Variants in NOTCH1 observed in about 807,000 individuals in gnomAD.
NOTCH1 encodes neurogenic locus notch homolog protein 1.
In NOTCH1, 37 loss-of-function variants were observed where a neutral mutation model predicts 254.8. The observed-to-expected ratio is 0.15, with a 90% CI of 0.11 to 0.19. The LOEUF is 0.19. Ranked by LOEUF, NOTCH1 falls within the 10% of genes least tolerant of loss-of-function variation. The probability of loss-of-function intolerance (pLI) is 1.00; values close to 1 mark genes in which losing one functional copy is unlikely to be tolerated. For missense variants in NOTCH1, 2,972 were observed against 3,708.6 expected (o/e 0.80, Z 5.16); for synonymous variants, 1,731 against 1,618.1 (o/e 1.07, Z -1.68).
Position 136,545,645 on chromosome 9 carries a change from C to A in NOTCH1, c.61+81G>T, listed in dbSNP as rs1485080652. Reference sequence around the variant, plus strand: ...TGGCCTCCCCGCCGCCCGCTCCCAGCCGTGGGGCGCGCGCGCCGGGCGCCG... The same window carrying A: ...TGGCCTCCCCGCCGCCCGCTCCCAGACGTGGGGCGCGCGCGCCGGGCGCCG... On this transcript the variant is annotated intron_variant, in intron 1 of 33. Transcript: ENST00000651671. This position sits in a 1 kb window ranked among gnomAD's most constrained non-coding sequence, Gnocchi z 6.8. 6.6e-6 allele frequency: 8 copies of A among 1,215,218 alleles called. No homozygotes were observed. The highest frequency in any genetic ancestry group is 1.6e-5 in the African/African-American group (1 of 61,910). The allele number at this position is 1,215,218 out of a possible 1,614,324, so 75.3% of individuals were successfully genotyped here.
chr9:136,522,260 A>C (rs1256992985), intron 4 of NOTCH1, among the ~76,000 whole-genome samples: 5 of 152,298 alleles, frequency 3.3e-5, no homozygotes, highest in African/African-American at 1.2e-4. Context: ...TACAGGCGTG[A>C]GCCACCACGC....
At chr9:136,543,861 A>G (rs901901819) in intron 2 of NOTCH1, 163 bp downstream of exon 2, 3 of 740,434 alleles carry the variant, frequency 4.1e-6, no homozygotes, top group Non-Finnish European at 7.2e-6. Context: ...CTGGTGATTA[A>G]GTAATTGCCA....
At chr9:136,507,832 G>A (rs766854636) in intron 21 of NOTCH1, 123 bp downstream of exon 21, 97 of 1,045,464 alleles carry the variant, frequency 9.3e-5, no homozygotes, top group Non-Finnish European at 1.3e-4. Context: ...CTCCCCTAAT[G>A]AGACTGAACA....
intron 9 of NOTCH1, 26 bp from the exon 10 acceptor site, chr9:136,516,120 G>C (rs767636325): frequency 2.6e-6 from 4 of 1,547,448 alleles, no homozygotes; most frequent in African/African-American, 1.4e-5. Context: ...GGAGGGGAGG[G>C]AGTCATGTGC....
intron 2 of NOTCH1, among the ~76,000 whole-genome samples, chr9:136,530,721 G>A (rs1425788258): frequency 1.3e-5 from 2 of 152,230 alleles, no homozygotes; most frequent in Admixed American, 6.5e-5. Context: ...ACGGCCCCTA[G>A]GGACCCATGT....
chr9:136,513,164 T>C lies in NOTCH1; in HGVS notation c.2354-30A>G, dbSNP rs1197551470. 2.5e-6 allele frequency: 4 copies of C among 1,575,864 alleles called. No individual in the cohort carries two copies. Among genetic ancestry groups the C allele is most frequent in the Non-Finnish European group, 3.5e-6 (4 of 1,146,726 alleles). ...AGGGAAGGGGACAGCACTCGGCATG[T>C]CCAGCACTCCCAGGCACCTTGGCAG... On this transcript the variant is annotated intron_variant, in intron 14 of 33. Transcript: ENST00000651671. This position sits in a 1 kb window ranked among gnomAD's most constrained non-coding sequence, Gnocchi z 4.7.
At chr9:136,512,982 G>GCCCCCC in intron 15 of NOTCH1, 39 bp downstream of exon 15, 9 of 663,456 alleles carry the variant, frequency 1.4e-5, no homozygotes, top group South Asian at 3.0e-5. Context: ...TCCCACATAG[G>GCCCCCC]CCCCGCCCCC....
At position 136,531,845 on chromosome 9, in the gene NOTCH1, T is replaced by C. The variant is rs60331615; in HGVS notation, c.141-7866A>G. On this transcript the variant is annotated intron_variant, in intron 2 of 33. Coordinates refer to ENST00000651671, the MANE Select transcript of NOTCH1 (RefSeq NM_017617.5). ...GGCCGCAGATGGACGGCGGCTTCAGTGGTGGCCCCAGAGGTCACCTCATCC... is the reference window on the plus strand; with the variant it reads ...GGCCGCAGATGGACGGCGGCTTCAGCGGTGGCCCCAGAGGTCACCTCATCC... Among the ~76,000 whole-genome samples the C allele has an allele frequency of 8.5e-3, 1,297 of 152,334 alleles. 18 individuals are homozygous for C. Among genetic ancestry groups the C allele is most frequent in the African/African-American group, 0.029 (1,190 of 41,568 alleles).
Position 136,540,289 on chromosome 9 carries a change from C to T in NOTCH1, c.140+3735G>A, listed in dbSNP as rs909993909. Among the ~76,000 whole-genome samples the T allele has an allele frequency of 2.0e-5, 3 of 152,188 alleles. No individual in the cohort carries two copies. Among genetic ancestry groups the T allele is most frequent in the Admixed American group, 1.3e-4 (2 of 15,284 alleles). Reference sequence around the variant, plus strand: ...ACCGGGGGCCTGGCCTGGAGCAGAACGCAGCACACAGCAGGCGCTCAAACG... The same window carrying T: ...ACCGGGGGCCTGGCCTGGAGCAGAATGCAGCACACAGCAGGCGCTCAAACG... On this transcript the variant is annotated intron_variant, in intron 2 of 33. Transcript: ENST00000651671. This position sits in a 1 kb window ranked among gnomAD's most constrained non-coding sequence, Gnocchi z 4.4.
In NOTCH1 at chr9:136,508,344, G is replaced by C. The variant is rs528993886; in HGVS notation, c.3213C>G (p.Gly1071=). Residue 1071 remains glycine, a synonymous_variant, in exon 20 of 34, where the codon GGC becomes GGG. Coordinates refer to ENST00000651671, the MANE Select transcript of NOTCH1 (RefSeq NM_017617.5). ...GGGTGTGGGTCTGCCAGCATTTGCC[G>C]CCGTTCTTGCAGGGCGAGGAGTCAC... The part of the protein sequence containing the change: ...HWCDSSPCKN[G]GKCWQTHTQY... 1 of 1,613,192 alleles carries C rather than the reference G, an allele frequency of 6.2e-7. No individual in the cohort carries two copies. Among genetic ancestry groups the C allele is most frequent in the Non-Finnish European group, 8.5e-7 (1 of 1,180,010 alleles).
intron 17 of NOTCH1, among the ~76,000 whole-genome samples, 181 bp from the exon 18 acceptor site, chr9:136,510,142 G>A (rs940555707): frequency 5.9e-5 from 9 of 152,208 alleles, no homozygotes; most frequent in Admixed American, 3.3e-4. Flanking sequence ...CGTCACACCC[G>A]TCTCCTGTGC....
chr9:136,544,692 C>G (rs1843786039), intron 1 of NOTCH1, among the ~76,000 whole-genome samples: 1 of 152,122 alleles, frequency 6.6e-6, no homozygotes, highest in African/African-American at 2.4e-5. Context: ...GAGTCGGGGC[C>G]GCCTCCAGGG....
chr9:136,544,096 C>G lies in NOTCH1; in HGVS notation c.68G>C (p.Arg23Pro), dbSNP rs869025260. 1.3e-6 allele frequency: 2 copies of G among 1,574,272 alleles called. No homozygotes were observed. The highest frequency in any genetic ancestry group is 1.7e-6 in the Non-Finnish European group (2 of 1,161,096). ...GCAGGTCTCACCGGGCTGGGAGCAT[C>G]GCGGGCCTAGGCAGGGGCAGGAGAA... Reference protein sequence around the residue: ...LLPALAARGPRCSQPGETCLN... With the variant: ...LLPALAARGPPCSQPGETCLN... Residue 23 changes from arginine to proline, a missense_variant, in exon 2 of 34, where the codon CGA (arginine) becomes CCA (proline). Arg to Pro is a moderately radical substitution (Grantham distance 103). Transcript: ENST00000651671.
At chr9:136,519,181 A>G (rs1252533261) in intron 5 of NOTCH1, among the ~76,000 whole-genome samples, 1 of 152,244 alleles carries the variant, frequency 6.6e-6, no homozygotes, top group Non-Finnish European at 1.5e-5. Flanking sequence ...CCCACTGGGC[A>G]CAGGGGCTGC....
chr9:136,545,392 C>G lies in NOTCH1; in HGVS notation c.61+334G>C, dbSNP rs1843799935. On this transcript the variant is annotated intron_variant, in intron 1 of 33. Transcript: ENST00000651671. This position sits in a 1 kb window ranked among gnomAD's most constrained non-coding sequence, Gnocchi z 6.8. ...TTCAAATCGAAAAATAGTAGGCAGC[C>G]CGCCCGCCCGGCCGACCGGCGGCAA... 6.6e-6 allele frequency among the ~76,000 whole-genome samples: 1 copy of G among 152,158 alleles called. No homozygotes were observed. Among genetic ancestry groups the G allele is most frequent in the South Asian group, 2.1e-4 (1 of 4,832 alleles).
chr9:136,523,635 C>A (rs2133378621), intron 3 of NOTCH1, 82 bp downstream of exon 3: 1 of 1,520,718 alleles, frequency 6.6e-7, no homozygotes, highest in South Asian at 1.2e-5. Flanking sequence ...GGGCCTGGAT[C>A]CCGCCAAGTA....
chr9:136,538,763 G>A (rs1843690601), intron 2 of NOTCH1, among the ~76,000 whole-genome samples: 1 of 152,240 alleles, frequency 6.6e-6, no homozygotes, highest in African/African-American at 2.4e-5. Flanking sequence ...TGGCACACCT[G>A]GAGGGTGGGC....
At chr9:136,498,020 G>A (rs1183991419) in intron 33 of NOTCH1, among the ~76,000 whole-genome samples, 2 of 152,194 alleles carry the variant, frequency 1.3e-5, no homozygotes, top group East Asian at 1.9e-4. Flanking sequence ...CCTCTGTGCG[G>A]TGGACACGTC....
At position 136,499,149 on chromosome 9, in the gene NOTCH1, G is replaced by C. The variant is rs745335873; in HGVS notation, c.6045C>G (p.Ile2015Met). 1.9e-6 allele frequency: 3 copies of C among 1,613,322 alleles called. No homozygotes were observed. The South Asian group carries it at 3.3e-5, about 18-fold the overall frequency. The change falls in exon 32 of 34, where the codon ATC becomes ATG. Residue 2015 changes from isoleucine to methionine, a missense_variant. Coordinates refer to ENST00000651671, the MANE Select transcript of NOTCH1 (RefSeq NM_017617.5). Reference sequence around the variant, plus strand: ...CGGCGTTGACGTCGGCGTGTGAGTTGATGAGGTCCTCCAGCATGCCCTCCA... The same window carrying C: ...CGGCGTTGACGTCGGCGTGTGAGTTCATGAGGTCCTCCAGCATGCCCTCCA... ...LAVEGMLEDL[I>M]NSHADVNAVD...
Sources: gnomAD v4.1 joint callset for allele counts (sites outside exome capture counted in the v4.1 genomes callset) on GRCh38, gnomAD v4.1.1 for gene constraint, Gnocchi (gnomAD v3.1) non-coding constraint, MANE v1.5 for transcripts, NCBI Gene and HGNC (gene_info 2026-07-23, HGNC 2026-07-21) for gene names.